Variants in MOB3B observed in about 807,000 individuals in gnomAD.
MOB3B encodes MOB kinase activator 3B, also known as MOB kinase activator-like 2B.
MOB3B carries 7 observed loss-of-function variants against 18.7 expected under a neutral mutation model. That is an observed-to-expected ratio of 0.37 (90% confidence interval 0.21 to 0.70). The LOEUF (loss-of-function observed/expected upper bound fraction) is 0.70, where lower values mean the gene tolerates loss of function less well. Ranked by LOEUF, MOB3B falls within the 30% of genes least tolerant of loss-of-function variation. The pLI, the probability that MOB3B is intolerant of heterozygous loss-of-function variation, is 0.52. For missense variants in MOB3B, 253 were observed against 281.3 expected, an observed-to-expected ratio of 0.90 and a Z score of 0.72; for synonymous variants, 111 against 99.9, an observed-to-expected ratio of 1.11 and a Z score of -0.66.
intron 1 of MOB3B, among the ~76,000 whole-genome samples, chr9:27,465,877 T>G (rs147827074): frequency 0.011 from 1,651 of 152,270 alleles, 33 homozygotes; most frequent in African/African-American, 0.037. Flanking sequence ...CTAGGCTGCA[T>G]ACAGCACGGG....
chr9:27,506,238 A>C (rs1191490263), intron 1 of MOB3B, among the ~76,000 whole-genome samples: 1 of 152,218 alleles, frequency 6.6e-6, no homozygotes, highest in Non-Finnish European at 1.5e-5. Flanking sequence ...TTTCTTCTGG[A>C]ATCCTAGACT....
intron 1 of MOB3B, among the ~76,000 whole-genome samples, chr9:27,468,914 C>A (rs1275541783): frequency 6.6e-6 from 1 of 152,136 alleles, no homozygotes; most frequent in Middle Eastern, 3.2e-3. Flanking sequence ...TAAACAGCTC[C>A]CATGTTTTCA....
chr9:27,529,756 C>G lies in MOB3B; in HGVS notation c.-400G>C, dbSNP rs912484199. 1.0e-6 allele frequency: 1 copy of G among 985,340 alleles called. No homozygotes were observed. The allele number at this position is 985,340 out of a possible 1,614,324, so 61.0% of individuals were successfully genotyped here. A position where few individuals can be genotyped will look rare whatever the true frequency, so the allele number is the denominator to read the frequency against. On this transcript the variant is annotated 5_prime_UTR_variant, in exon 1 of 4. Coordinates refer to ENST00000262244, the MANE Select transcript of MOB3B (RefSeq NM_024761.5). ...GCCTGGCTCCAGCTGCAGCCGCCGT[C>G]GCTCCGGAGCAGCCCCCTCATGCAC...
At chr9:27,423,464 G>A (rs1296512323) in intron 2 of MOB3B, among the ~76,000 whole-genome samples, 1 of 148,598 alleles carries the variant, frequency 6.7e-6, no homozygotes, top group East Asian at 2.0e-4. Context: ...GCAACTGTTG[G>A]TATGATGGCT....
chr9:27,524,292 C>CATTGTCAT, intron 1 of MOB3B: 1 of 1,555,766 alleles, frequency 6.4e-7, no homozygotes, highest in Non-Finnish European at 8.7e-7. Flanking sequence ...CTCAAAACAT[C>CATTGTCAT]ATTGTCATAT....
chr9:27,482,980 CAT>C (rs1785131261), intron 1 of MOB3B, among the ~76,000 whole-genome samples: 1 of 152,136 alleles, frequency 6.6e-6, no homozygotes, highest in South Asian at 2.1e-4. Context: ...CACTGGAAAA[CAT>C]AGCTACAGCG....
chr9:27,494,527 A>G (rs1819869293), intron 1 of MOB3B, among the ~76,000 whole-genome samples: 1 of 152,054 alleles, frequency 6.6e-6, no homozygotes, highest in Non-Finnish European at 1.5e-5. Flanking sequence ...AATAGAAAAG[A>G]ACCTACGTGA....
At chr9:27,379,972 TCAAA>T (rs1401759400) in intron 2 of MOB3B, among the ~76,000 whole-genome samples, 2 of 152,180 alleles carry the variant, frequency 1.3e-5, no homozygotes, top group African/African-American at 4.8e-5. Flanking sequence ...TATAGAATAT[TCAAA>T]CAAAGTGTCA....
In MOB3B at chr9:27,360,995, G is replaced by A. The variant is rs376463627; in HGVS notation, c.419-1759C>T. On this transcript the variant is annotated intron_variant, in intron 2 of 3. Transcript: ENST00000262244. ...GTGGAGAGGGGCCTGCAGAACTGCT[G>A]TTGCCACACTGGGGGCGGGTCTGGA... is the stretch of plus-strand genomic sequence containing the variant. 5.3e-5 allele frequency among the ~76,000 whole-genome samples: 8 copies of A among 152,136 alleles called. No individual in the cohort carries two copies. In the East Asian group the frequency reaches 5.8e-4, roughly 11 times the overall value.
intron 1 of MOB3B, among the ~76,000 whole-genome samples, chr9:27,485,064 G>T (rs769972641): frequency 3.9e-5 from 6 of 152,166 alleles, no homozygotes; most frequent in African/African-American, 1.4e-4. Context: ...TGCGTGGCCA[G>T]ATGGACAGTT....
At chr9:27,336,638 G>C (rs984219715) in intron 3 of MOB3B, among the ~76,000 whole-genome samples, 2 of 152,060 alleles carry the variant, frequency 1.3e-5, no homozygotes, top group African/African-American at 4.8e-5. Context: ...CTCTCTCAGG[G>C]CCACATCTGA....
rs1355761962 is a variant in MOB3B, at chr9:27,326,799, T to C, written c.*3788A>G. 2 of 386,730 alleles carry C rather than the reference T, an allele frequency of 5.2e-6. No individual in the cohort carries two copies. The highest frequency in any genetic ancestry group is 2.1e-5 in the African/African-American group (1 of 48,384). The allele number at this position is 386,730 out of a possible 1,614,324, so 24.0% of individuals were successfully genotyped here. A position where few individuals can be genotyped will look rare whatever the true frequency, so the allele number is the denominator to read the frequency against. On this transcript the variant is annotated 3_prime_UTR_variant, in exon 4 of 4. Transcript: ENST00000262244. ...ACAGCCGTGTAAGACATTTTCTTCC[T>C]AATCATCTCTCCCTTGCACCATCAC...
At chr9:27,413,532 G>T (rs185962543) in intron 2 of MOB3B, among the ~76,000 whole-genome samples, 1 of 152,310 alleles carries the variant, frequency 6.6e-6, no homozygotes, top group East Asian at 1.9e-4. Flanking sequence ...TTACATGTAC[G>T]TGGCTAGATT....
At chr9:27,488,748 G>A (rs1819769530) in intron 1 of MOB3B, among the ~76,000 whole-genome samples, 1 of 152,182 alleles carries the variant, frequency 6.6e-6, no homozygotes. Flanking sequence ...TACCCATCGA[G>A]TAGCACTGAC....
At chr9:27,459,702 A>G (rs1819249031) in intron 1 of MOB3B, among the ~76,000 whole-genome samples, 1 of 152,146 alleles carries the variant, frequency 6.6e-6, no homozygotes, top group Admixed American at 6.5e-5. Flanking sequence ...ATCTGGACTG[A>G]CTTGTATAGC....
intron 2 of MOB3B, among the ~76,000 whole-genome samples, chr9:27,417,632 A>G (rs1822173417): frequency 6.6e-6 from 1 of 152,208 alleles, no homozygotes; most frequent in South Asian, 2.1e-4. Flanking sequence ...GAAAAGAAAA[A>G]CAAAAATGCT....
intron 1 of MOB3B, among the ~76,000 whole-genome samples, chr9:27,520,104 T>G (rs752724442): frequency 4.6e-5 from 7 of 152,312 alleles, no homozygotes; most frequent in Non-Finnish European, 8.8e-5. Flanking sequence ...CTCGTCCTGA[T>G]TCGAAACTTG....
intron 2 of MOB3B, among the ~76,000 whole-genome samples, chr9:27,402,594 A>G (rs575105792): frequency 3.1e-4 from 48 of 152,390 alleles, no homozygotes; most frequent in Middle Eastern, 3.4e-3. Flanking sequence ...TTTCAAGTCC[A>G]TATACAGAAA....
At chr9:27,382,159 AGT>A (rs1821587943) in intron 2 of MOB3B, among the ~76,000 whole-genome samples, 1 of 152,178 alleles carries the variant, frequency 6.6e-6, no homozygotes, top group Non-Finnish European at 1.5e-5. Flanking sequence ...AGCTTGGCAT[AGT>A]GTCGGGCACT....
Sources: allele counts gnomAD v4.1 joint callset (sites outside exome capture counted in the v4.1 genomes callset), GRCh38; gene constraint gnomAD v4.1.1; transcripts MANE v1.5; gene names NCBI Gene and HGNC (gene_info 2026-07-23, HGNC 2026-07-21).